The following RMND5A variants were observed in gnomAD, a reference collection of about 807,000 sequenced individuals.
The protein encoded by RMND5A is E3 ubiquitin-protein transferase RMND5A.
RMND5A carries 17 observed loss-of-function variants against 49.7 expected under a neutral mutation model. The observed-to-expected ratio is 0.34, with a 90% confidence interval of 0.23 to 0.51. The LOEUF (loss-of-function observed/expected upper bound fraction) is 0.51, where lower values mean the gene tolerates loss of function less well. RMND5A is among the 20% of genes least tolerant of loss of function. RMND5A has a pLI of 0.96. For missense variants in RMND5A, 255 were observed against 471.3 expected (o/e 0.54, Z 4.25); for synonymous variants, 156 against 167.7 (o/e 0.93, Z 0.54).
intron 4 of RMND5A, among the ~76,000 whole-genome samples, chr2:86,759,783 G>C (rs368786697): frequency 1.3e-5 from 2 of 151,882 alleles, no homozygotes; most frequent in Non-Finnish European, 2.9e-5. Context: ...CTGGGCAACA[G>C]AATGAGACTC....
At chr2:86,746,232 A>G (rs1322522475) in intron 2 of RMND5A, among the ~76,000 whole-genome samples, 1 of 152,240 alleles carries the variant, frequency 6.6e-6, no homozygotes, top group Non-Finnish European at 1.5e-5. Context: ...CCAGTCTGCA[A>G]TTGCATTTAA....
At chr2:86,744,364 A>G (rs1558720748) in intron 2 of RMND5A, among the ~76,000 whole-genome samples, 1 of 152,186 alleles carries the variant, frequency 6.6e-6, no homozygotes, top group Non-Finnish European at 1.5e-5. Flanking sequence ...ACCAAACAGG[A>G]TAAAGCTGAA....
At chr2:86,745,022 A>G (rs1316262462) in intron 2 of RMND5A, among the ~76,000 whole-genome samples, 4 of 145,438 alleles carry the variant, frequency 2.8e-5, no homozygotes, top group Non-Finnish European at 4.5e-5. Context: ...TTTTTTTTTT[A>G]GTAAAAATAA....
intron 4 of RMND5A, among the ~76,000 whole-genome samples, chr2:86,764,693 A>C (rs139384109): frequency 1.3e-5 from 2 of 152,354 alleles, no homozygotes; most frequent in African/African-American, 4.8e-5. Flanking sequence ...GGAAAAGAGC[A>C]GTGGATCTAG....
intron 4 of RMND5A, among the ~76,000 whole-genome samples, chr2:86,763,422 A>G (rs1471380682): frequency 1.3e-5 from 2 of 152,188 alleles, no homozygotes; most frequent in African/African-American, 4.8e-5. Context: ...AGACTGCAAA[A>G]AGCACAGTGC....
intron 4 of RMND5A, among the ~76,000 whole-genome samples, chr2:86,760,414 A>C (rs957076918): frequency 8.5e-5 from 13 of 152,222 alleles, no homozygotes; most frequent in African/African-American, 3.1e-4. Context: ...TTTTTACCAC[A>C]GTTTAGTTAA....
At position 86,766,661 on chromosome 2, in the gene RMND5A, CAAAAAAAAAA is replaced by C. The variant is rs59511898; in HGVS notation, c.854+649_854+658del. On this transcript the variant is annotated intron_variant, in intron 6 of 8. Coordinates refer to ENST00000283632, the MANE Select transcript of RMND5A (RefSeq NM_022780.4). Reference sequence around the variant, plus strand: ...CCCGTGCAACAATGCGAGACTGTCTCAAAAAAAAAAAAAAAAAAAAAGAAAAGAAAAAAAG... The same window carrying C: ...CCCGTGCAACAATGCGAGACTGTCTCAAAAAAAAAAAGAAAAGAAAAAAAG... Among the ~76,000 whole-genome samples the C allele has an allele frequency of 2.7e-4, 21 of 77,014 alleles. 1 individual carries two copies. The highest frequency in any genetic ancestry group is 4.2e-4 in the Non-Finnish European group (16 of 37,658). 50.5% of individuals were successfully genotyped at this position (77,014 alleles called of 152,430 possible). A position where few individuals can be genotyped will look rare whatever the true frequency, so the allele number is the denominator to read the frequency against.
chr2:86,761,672 T>A (rs144087594), intron 4 of RMND5A, among the ~76,000 whole-genome samples: 1 of 152,358 alleles, frequency 6.6e-6, no homozygotes, highest in East Asian at 1.9e-4. Flanking sequence ...CAGAATAGGA[T>A]GCAAAGAAAT....
At chr2:86,766,403 C>T (rs10460515) in intron 6 of RMND5A, among the ~76,000 whole-genome samples, 4,495 of 152,212 alleles carry the variant, frequency 0.03, 144 homozygotes, top group East Asian at 0.1. Flanking sequence ...TACTTAACCA[C>T]GTCTGTAATC....
chr2:86,729,886 G>C (rs1307989661), intron 1 of RMND5A, among the ~76,000 whole-genome samples: 1 of 61,556 alleles, frequency 1.6e-5, no homozygotes, highest in African/African-American at 6.8e-5. Flanking sequence ...ACAGGGACAC[G>C]ATCAGAGACC....
At chr2:86,754,885 G>A (rs373367576) in intron 4 of RMND5A, among the ~76,000 whole-genome samples, 11 of 152,052 alleles carry the variant, frequency 7.2e-5, no homozygotes, top group Admixed American at 5.9e-4. Context: ...AGAAAATTTT[G>A]TGTAGTTCTA....
At chr2:86,721,408 C>T (rs187094944) in intron 1 of RMND5A, among the ~76,000 whole-genome samples, 1,846 of 152,016 alleles carry the variant, frequency 0.012, 63 homozygotes, top group African/African-American at 0.041. Context: ...CTCTTAACTC[C>T]GCAGCGGCTC....
In RMND5A at chr2:86,738,563, G is replaced by C. The variant is rs1573431237; in HGVS notation, c.143-2364G>C. ...GTCTCAAAAAAAAAAAATGTTTTTT[G>C]TGGGTTTTTTTTTTAATTAGTTTAC... On this transcript the variant is annotated intron_variant, in intron 1 of 8. Transcript: ENST00000283632. Among the ~76,000 whole-genome samples the C allele has an allele frequency of 3.4e-5, 2 of 59,292 alleles. 1 individual carries two copies. The highest frequency in any genetic ancestry group is 6.4e-5 in the Non-Finnish European group (2 of 31,242). The allele number at this position is 59,292 out of a possible 152,430, so 38.9% of individuals were successfully genotyped here. A position where few individuals can be genotyped will look rare whatever the true frequency, so the allele number is the denominator to read the frequency against.
intron 4 of RMND5A, among the ~76,000 whole-genome samples, chr2:86,757,307 T>C (rs1038563586): frequency 2.0e-5 from 3 of 152,054 alleles, no homozygotes; most frequent in African/African-American, 7.3e-5. Context: ...ATCAGGACCT[T>C]GCCTGCTCCT....
chr2:86,765,013 T>A lies in RMND5A; in HGVS notation c.522-14T>A. 1.3e-6 allele frequency: 2 copies of A among 1,585,856 alleles called. No homozygotes were observed. The highest frequency in any genetic ancestry group is 1.7e-6 in the Non-Finnish European group (2 of 1,171,052). On this transcript the variant is annotated splice_polypyrimidine_tract_variant and intron_variant, in intron 4 of 8. Transcript: ENST00000283632. ...TGCTTTTGATTCTTAAAGTCTTTTT[T>A]GCCTTTTCTTTAGGTGGGCAGTGTC...
chr2:86,725,099 T>C (rs1222434698), intron 1 of RMND5A, among the ~76,000 whole-genome samples: 1 of 56,942 alleles, frequency 1.8e-5, no homozygotes, highest in Non-Finnish European at 3.3e-5. Flanking sequence ...GTAAAGGACA[T>C]GCAGTATTCT....
intron 4 of RMND5A, among the ~76,000 whole-genome samples, chr2:86,754,073 C>T (rs1249396786): frequency 2.0e-5 from 3 of 152,178 alleles, no homozygotes; most frequent in Non-Finnish European, 4.4e-5. Flanking sequence ...TGAAATTACT[C>T]TGTAAGCTAT....
Position 86,773,423 on chromosome 2 carries a change from T to C in RMND5A, c.*12T>C, listed in dbSNP as rs769782336. 39 of 1,569,826 alleles carry C rather than the reference T, an allele frequency of 2.5e-5. No individual in the cohort carries two copies. Among genetic ancestry groups the C allele is most frequent in the Admixed American group, 3.3e-5 (2 of 59,926 alleles). Reference sequence around the variant, plus strand: ...AGATATTTTTCTGAAGAGATAACTTTAGTTTGCAATTTGTAAGTGAAACTG... The same window carrying C: ...AGATATTTTTCTGAAGAGATAACTTCAGTTTGCAATTTGTAAGTGAAACTG... On this transcript the variant is annotated 3_prime_UTR_variant, in exon 9 of 9. Transcript: ENST00000283632.
intron 2 of RMND5A, among the ~76,000 whole-genome samples, chr2:86,751,437 T>C: frequency 6.6e-6 from 1 of 152,208 alleles, no homozygotes; most frequent in African/African-American, 2.4e-5. Flanking sequence ...CTTAACTAGT[T>C]GGCCATGCCC....
Sources: allele counts gnomAD v4.1 joint callset (sites outside exome capture counted in the v4.1 genomes callset), GRCh38; gene constraint gnomAD v4.1.1; transcripts MANE v1.5; gene names NCBI Gene and HGNC (gene_info 2026-07-23, HGNC 2026-07-21).